CEP112: variants seen among roughly 807,000 people sequenced by gnomAD.
CEP112 encodes centrosomal protein 112.
A neutral mutation model predicts 153.0 loss-of-function variants in CEP112; 127 were observed. The observed-to-expected ratio is 0.83, with a 90% CI of 0.72 to 0.96. CEP112 has a LOEUF of 0.96. Among genes scored for constraint, CEP112 ranks in the 40% least tolerant of loss-of-function variants. The probability of loss-of-function intolerance (pLI) is 0.00; values close to 1 mark genes in which losing one functional copy is unlikely to be tolerated. For missense variants in CEP112, 1,089 were observed against 1,101.2 expected (o/e 0.99, Z 0.16); for synonymous variants, 358 against 374.4 (o/e 0.96, Z 0.51).
At chr17:65,726,292 T>C (rs1018213268) in intron 23 of CEP112, among the ~76,000 whole-genome samples, 1 of 151,932 alleles carries the variant, frequency 6.6e-6, no homozygotes, top group African/African-American at 2.4e-5. Context: ...TGAGCTGAGA[T>C]TGCACCATTG....
intron 23 of CEP112, among the ~76,000 whole-genome samples, chr17:65,713,183 TG>T (rs1182000595): frequency 1.3e-5 from 2 of 152,114 alleles, no homozygotes; most frequent in East Asian, 3.9e-4. Flanking sequence ...GCATAATATG[TG>T]AGTAGGGTGT....
intron 12 of CEP112, among the ~76,000 whole-genome samples, chr17:66,034,084 A>C (rs1445563001): frequency 6.6e-6 from 1 of 152,192 alleles, no homozygotes; most frequent in East Asian, 1.9e-4. Context: ...TGATATACAC[A>C]GAGGTCCTGG....
At chr17:66,109,206 C>A (rs904264334) in intron 6 of CEP112, among the ~76,000 whole-genome samples, 1 of 152,054 alleles carries the variant, frequency 6.6e-6, no homozygotes, top group African/African-American at 2.4e-5. Flanking sequence ...TATTTGATAG[C>A]ACAATAGGGT....
intron 23 of CEP112, 79 bp from the exon 24 acceptor site, chr17:65,689,297 A>C (rs991683369): frequency 5.2e-6 from 5 of 960,400 alleles, no homozygotes; most frequent in East Asian, 2.5e-5. Context: ...ACTGGCACTA[A>C]AAAGGCCTCA....
chr17:66,179,998 G>C (rs117406588), intron 2 of CEP112, among the ~76,000 whole-genome samples: 5,194 of 152,108 alleles, frequency 0.034, 131 homozygotes, highest in Middle Eastern at 0.061. Flanking sequence ...GGATTGATTT[G>C]CATCTGTTGA....
chr17:66,079,037 T>C (rs2067613824), intron 8 of CEP112, among the ~76,000 whole-genome samples: 1 of 152,100 alleles, frequency 6.6e-6, no homozygotes, highest in Admixed American at 6.6e-5. Flanking sequence ...ATCAGAGAAA[T>C]GCAAATCAAA....
At chr17:65,903,969 T>A (rs1349080765) in intron 19 of CEP112, among the ~76,000 whole-genome samples, 3 of 152,114 alleles carry the variant, frequency 2.0e-5, no homozygotes, top group African/African-American at 7.2e-5. Flanking sequence ...TATCTCAAAA[T>A]ATTAAGAGCT....
At chr17:65,907,389 T>C (rs573405371) in intron 19 of CEP112, among the ~76,000 whole-genome samples, 61 of 152,222 alleles carry the variant, frequency 4.0e-4, no homozygotes, top group Non-Finnish European at 6.3e-4. Flanking sequence ...GTTTGATATT[T>C]TGCCAGGGCC....
intron 16 of CEP112, among the ~76,000 whole-genome samples, chr17:66,008,458 A>T (rs2079352743): frequency 6.6e-6 from 1 of 152,034 alleles, no homozygotes; most frequent in Non-Finnish European, 1.5e-5. Context: ...AACTCAAGTG[A>T]TCCCCCCGTA....
intron 20 of CEP112, among the ~76,000 whole-genome samples, chr17:65,887,596 ACACC>A (rs926419847): frequency 6.6e-6 from 1 of 152,210 alleles, no homozygotes; most frequent in Non-Finnish European, 1.5e-5. Flanking sequence ...TGCTACAAGC[ACACC>A]CATGGAAGCA....
At chr17:66,088,380 G>A (rs2068018991) in intron 8 of CEP112, among the ~76,000 whole-genome samples, 1 of 152,086 alleles carries the variant, frequency 6.6e-6, no homozygotes, top group African/African-American at 2.4e-5. Flanking sequence ...ACAGCACGAG[G>A]CTGGCCCCGA....
At chr17:65,970,156 AG>A (rs1271619873) in intron 17 of CEP112, among the ~76,000 whole-genome samples, 2 of 152,172 alleles carry the variant, frequency 1.3e-5, no homozygotes, top group African/African-American at 4.8e-5. Flanking sequence ...GCATGTGTAT[AG>A]CAAACATGCA....
At chr17:65,660,293 CCTTCT>C (rs1194602822) in intron 24 of CEP112, among the ~76,000 whole-genome samples, 1 of 139,308 alleles carries the variant, frequency 7.2e-6, no homozygotes, top group East Asian at 2.3e-4. Flanking sequence ...CTTCCTCCCT[CCTTCT>C]CTTTTCTCTC....
chr17:66,164,877 C>A (rs28713597), intron 4 of CEP112, among the ~76,000 whole-genome samples: 1 of 129,050 alleles, frequency 7.7e-6, no homozygotes, highest in East Asian at 2.5e-4. Flanking sequence ...TATATATATA[C>A]ACACATATAT....
chr17:66,141,715 T>C (rs2070708837), intron 4 of CEP112, among the ~76,000 whole-genome samples: 1 of 152,206 alleles, frequency 6.6e-6, no homozygotes, highest in Admixed American at 6.5e-5. Context: ...TGATAGCATT[T>C]CCTTTTATTA....
At chr17:66,004,209 T>C (rs2064175729) in intron 17 of CEP112, among the ~76,000 whole-genome samples, 1 of 151,566 alleles carries the variant, frequency 6.6e-6, no homozygotes, top group Non-Finnish European at 1.5e-5. Flanking sequence ...GGGCCAGGTG[T>C]GGTGGCTCAC....
At chr17:65,876,806 A>C (rs1316813572) in intron 20 of CEP112, among the ~76,000 whole-genome samples, 2 of 152,144 alleles carry the variant, frequency 1.3e-5, no homozygotes, top group African/African-American at 4.8e-5. Context: ...GGCCTTTAAA[A>C]AAATTTAATT....
chr17:65,849,760 G>C (rs2057859165), intron 21 of CEP112, among the ~76,000 whole-genome samples: 2 of 152,298 alleles, frequency 1.3e-5, no homozygotes, highest in South Asian at 4.1e-4. Context: ...GGTGAAGTGA[G>C]TGTAAGAGTT....
chr17:65,975,876 G>T (rs1255058845), intron 17 of CEP112, among the ~76,000 whole-genome samples: 1 of 152,152 alleles, frequency 6.6e-6, no homozygotes, highest in Non-Finnish European at 1.5e-5. Flanking sequence ...GGGAAGGAGA[G>T]AGAAAAAACC....
Sources: gnomAD v4.1 joint callset for allele counts (sites outside exome capture counted in the v4.1 genomes callset) on GRCh38, gnomAD v4.1.1 for gene constraint, MANE v1.5 for transcripts, NCBI Gene and HGNC (gene_info 2026-07-23, HGNC 2026-07-21) for gene names.